EXTL3: variants seen among roughly 807,000 people sequenced by gnomAD.
The protein encoded by EXTL3 is exostosin-like 3.
In EXTL3, 27 loss-of-function variants were observed where a neutral mutation model predicts 69.3. That is an observed-to-expected ratio of 0.39 (90% CI 0.29 to 0.54). The LOEUF (loss-of-function observed/expected upper bound fraction) is 0.54, where lower values mean the gene tolerates loss of function less well. Ranked by LOEUF, EXTL3 falls within the 20% of genes least tolerant of loss-of-function variation. EXTL3 has a pLI of 0.69. For synonymous variants in EXTL3, 511 were observed against 499.4 expected (o/e 1.02, Z -0.31); for missense variants, 1,003 against 1,231.8 (o/e 0.81, Z 2.78).
chr8:28,671,379 T>C (rs578114328), intron 1 of EXTL3, among the ~76,000 whole-genome samples: 1 of 147,506 alleles, frequency 6.8e-6, no homozygotes, highest in African/African-American at 2.5e-5. Flanking sequence ...TGTCACGATC[T>C]CTGCTCACTC....
chr8:28,680,663 C>T (rs554002058), intron 1 of EXTL3, among the ~76,000 whole-genome samples: 3 of 152,158 alleles, frequency 2.0e-5, no homozygotes, highest in South Asian at 2.1e-4. Context: ...AGCAGATCTC[C>T]GGAACTAATT....
chr8:28,713,903 C>CTTTTT lies in EXTL3; in HGVS notation c.-476+369_-476+373dup, dbSNP rs55737430. Among the ~76,000 whole-genome samples the CTTTTT allele has an allele frequency of 3.0e-3, 344 of 113,626 alleles. 1 individual carries two copies. The highest frequency in any genetic ancestry group is 4.0e-3 in the African/African-American group (114 of 28,188). The allele number at this position is 113,626 out of a possible 152,430, so 74.5% of individuals were successfully genotyped here. On this transcript the variant is annotated intron_variant, in intron 2 of 6. Coordinates refer to ENST00000220562, the MANE Select transcript of EXTL3 (RefSeq NM_001440.4). ...TTCTAATATCCTCTTTTCTTTCTTT[C>CTTTTT]TTTTTTTTTTTTTTTTTTTTGAGAT...
chr8:28,644,331 G>A (rs921054642), intron 1 of EXTL3, among the ~76,000 whole-genome samples: 1 of 152,106 alleles, frequency 6.6e-6, no homozygotes, highest in African/African-American at 2.4e-5. Context: ...GTGAATCAGT[G>A]CTGCTATGAA....
chr8:28,651,604 C>G (rs1321201209), intron 1 of EXTL3, among the ~76,000 whole-genome samples: 2 of 152,168 alleles, frequency 1.3e-5, no homozygotes, highest in Non-Finnish European at 2.9e-5. Context: ...GGATTATAAG[C>G]ATGAGCCACC....
chr8:28,619,248 T>G (rs1806371080), upstream of EXTL3, among the ~76,000 whole-genome samples: 2 of 98,942 alleles, frequency 2.0e-5, no homozygotes, highest in African/African-American at 3.7e-5. Context: ...GAAGCCCACG[T>G]AGAAATTAGC....
In EXTL3 at chr8:28,716,451, T is replaced by C; in HGVS notation, c.392T>C (p.Leu131Pro). The change falls in exon 3 of 7, where the codon CTC becomes CCC. Residue 131 changes from leucine to proline, a missense_variant. By Grantham distance (98) the Leu-to-Pro change is moderately conservative (BLOSUM62 -3). Coordinates refer to ENST00000220562, the MANE Select transcript of EXTL3 (RefSeq NM_001440.4). This position sits in a 1 kb window ranked among gnomAD's most constrained non-coding sequence, Gnocchi z 7.1. ...AACGCCAAGCAGGACCTGCTCCAGC[T>C]CAAGAATGTCATCAGCCAGACCGAG... is the stretch of plus-strand genomic sequence containing the variant. ...IENAKQDLLQLKNVISQTEHS... is the reference protein window; with the variant it reads ...IENAKQDLLQPKNVISQTEHS... The C allele has an allele frequency of 1.9e-6, 3 of 1,613,752 alleles. No individual in the cohort carries two copies. The highest frequency in any genetic ancestry group is 2.5e-6 in the Non-Finnish European group (3 of 1,179,962).
chr8:28,702,575 C>T (rs1585261327), intron 1 of EXTL3, among the ~76,000 whole-genome samples: 1 of 142,078 alleles, frequency 7.0e-6, no homozygotes, highest in South Asian at 2.3e-4. Context: ...ACCCGCACCA[C>T]CCCACCCCCG....
rs1032533753 is a variant in EXTL3 at position 28,623,884 on chromosome 8, G to A, written c.-53+1074G>A. ...AGCAGATGGGAAATCAGGCAAGCTT[G>A]GTTTTAAAACGTTTCTGCCTCTGAG... On this transcript the variant is annotated intron_variant, in intron 1 of 6. Coordinates refer to the EXTL3 transcript ENST00000523149. This position sits in a 1 kb window ranked among gnomAD's most constrained non-coding sequence, Gnocchi z 4.2. Among the ~76,000 whole-genome samples, 4 of 152,114 alleles carry A rather than the reference G, an allele frequency of 2.6e-5. No individual in the cohort carries two copies. Among genetic ancestry groups the A allele is most frequent in the African/African-American group, 9.7e-5 (4 of 41,412 alleles).
chr8:28,735,275 G>A (rs573589005), intron 4 of EXTL3, among the ~76,000 whole-genome samples: 13 of 152,198 alleles, frequency 8.5e-5, no homozygotes, highest in Non-Finnish European at 1.5e-4. Flanking sequence ...AAGGACTGGC[G>A]TGGTGAGCAT....
chr8:28,659,015 A>T (rs1476270068), intron 1 of EXTL3, among the ~76,000 whole-genome samples: 3 of 152,240 alleles, frequency 2.0e-5, no homozygotes, highest in African/African-American at 7.2e-5. Flanking sequence ...ACAGTGAGTA[A>T]CTTAGAGTAT....
chr8:28,755,835 G>A (rs1219173481), downstream of EXTL3, among the ~76,000 whole-genome samples: 5 of 152,116 alleles, frequency 3.3e-5, no homozygotes, highest in Admixed American at 6.5e-5. Flanking sequence ...TGATTTAAAC[G>A]ACTGGTCCCA....
In EXTL3 at chr8:28,717,668, C is replaced by T. The variant is rs775024686; in HGVS notation, c.1609C>T (p.Arg537Cys). 4 of 1,614,232 alleles carry T rather than the reference C, an allele frequency of 2.5e-6. No homozygotes were observed. The highest frequency in any genetic ancestry group is 3.4e-6 in the Non-Finnish European group (4 of 1,180,048). The stretch of plus-strand genomic sequence containing the variant: ...TACCGTGCTGGCTATGATTAGGACT[C>T]GCATCCAGATCCCAGCCGCTCCCAT... ...FNTVLAMIRT[R>C]IQIPAAPIRE... The change falls in exon 3 of 7, where the codon CGC (arginine) becomes TGC (cysteine). Residue 537 changes from arginine to cysteine, a missense_variant. Physicochemically the swap from Arg to Cys is radical, Grantham distance 180. Transcript: ENST00000220562. This position sits in a 1 kb window ranked among gnomAD's most constrained non-coding sequence, Gnocchi z 8.3.
rs1213722928 is a variant in EXTL3, at chr8:28,710,610, TTTC to T, written c.-569-2844_-569-2842del. ...GATTTTTTTTTTGTAGTTTTCTTTC[TTTC>T]TTTTTTTTTTTTTTTTTGAGGCAAG... On this transcript the variant is annotated intron_variant, in intron 1 of 6. Coordinates refer to ENST00000220562, the MANE Select transcript of EXTL3 (RefSeq NM_001440.4). 738 of 351,108 alleles carry T rather than the reference TTTC, an allele frequency of 2.1e-3. 5 individuals are homozygous for T. The highest frequency in any genetic ancestry group is 0.015 in the African/African-American group (654 of 43,282). 21.7% of individuals were successfully genotyped at this position (351,108 alleles called of 1,614,324 possible).
rs2237811 is a variant in EXTL3 at position 28,739,649 on chromosome 8, A to G, written c.2421+1986A>G. On this transcript the variant is annotated intron_variant, in intron 5 of 6. Transcript: ENST00000220562. ...CCTGACATATAGGGACGTTTGAACCAGCCTAAGCAGTCGTTAAACTTTCAG... is the reference window on the plus strand; with the variant it reads ...CCTGACATATAGGGACGTTTGAACCGGCCTAAGCAGTCGTTAAACTTTCAG... 5.8e-4 allele frequency among the ~76,000 whole-genome samples: 88 copies of G among 152,312 alleles called. No homozygotes were observed. The East Asian group carries it at 0.015, about 25-fold the overall frequency.
At chr8:28,715,374 T>C (rs1300838683) in intron 2 of EXTL3, among the ~76,000 whole-genome samples, 1 of 152,342 alleles carries the variant, frequency 6.6e-6, no homozygotes, top group African/African-American at 2.4e-5. Context: ...CTGCAGCTTT[T>C]TGGGGCACTT....
In EXTL3 at chr8:28,750,510, C is replaced by G; in HGVS notation, c.2551-147C>G. The stretch of plus-strand genomic sequence containing the variant: ...TAGGCAGGAGGCCTGGGGCCGGGCT[C>G]TGGTTCCTGCCATGCTCTGCAGGGA... On this transcript the variant is annotated intron_variant, in intron 6 of 6. Coordinates refer to ENST00000220562, the MANE Select transcript of EXTL3 (RefSeq NM_001440.4). The surrounding 1 kb of genome is among the most constrained non-coding windows in gnomAD (Gnocchi z 5.2). The G allele has an allele frequency of 2.8e-6, 2 of 726,056 alleles. No homozygotes were observed. The highest frequency in any genetic ancestry group is 2.0e-5 in the Admixed American group (1 of 49,938). The allele number at this position is 726,056 out of a possible 1,614,324, so 45.0% of individuals were successfully genotyped here. A position where few individuals can be genotyped will look rare whatever the true frequency, so the allele number is the denominator to read the frequency against.
intron 1 of EXTL3, among the ~76,000 whole-genome samples, chr8:28,628,566 T>C (rs1348749561): frequency 6.6e-6 from 1 of 152,184 alleles, no homozygotes; most frequent in African/African-American, 2.4e-5. Flanking sequence ...AATTTTATGT[T>C]CAATCTATTT....
intron 6 of EXTL3, among the ~76,000 whole-genome samples, chr8:28,749,524 C>T (rs561279506): frequency 5.3e-5 from 8 of 152,332 alleles, no homozygotes; most frequent in Non-Finnish European, 1.2e-4. Flanking sequence ...TCCAAAGGCC[C>T]CCAGCCCGCT....
At chr8:28,610,744 CTTT>C (rs35188606) in intron 2 of EXTL3, among the ~76,000 whole-genome samples, 41,759 of 137,916 alleles carry the variant, frequency 0.3, 6,023 homozygotes, top group African/African-American at 0.34. Flanking sequence ...AGATCTGTTT[CTTT>C]TTTTTTTTTT....
Sources: allele counts gnomAD v4.1 joint callset (sites outside exome capture counted in the v4.1 genomes callset), GRCh38; gene constraint gnomAD v4.1.1; non-coding constraint Gnocchi (gnomAD v3.1); transcripts MANE v1.5; gene names NCBI Gene and HGNC (gene_info 2026-07-23, HGNC 2026-07-21).